Variants in ANAPC10 observed in about 807,000 individuals in gnomAD.
ANAPC10 encodes the protein anaphase promoting complex subunit 10.
A neutral mutation model predicts 22.0 loss-of-function variants in ANAPC10; 12 were observed. The observed-to-expected ratio is 0.55, with a 90% CI of 0.35 to 0.88. The LOEUF (loss-of-function observed/expected upper bound fraction) is 0.88. Ranked by LOEUF, ANAPC10 falls within the 40% of genes least tolerant of loss-of-function variation. The pLI, the probability that ANAPC10 is intolerant of heterozygous loss-of-function variation, is 0.01. For synonymous variants in ANAPC10, 65 were observed against 69.5 expected, an observed-to-expected ratio of 0.94 and a Z score of 0.32; for missense variants, 188 against 220.9, an observed-to-expected ratio of 0.85 and a Z score of 0.94.
intron 4 of ANAPC10, among the ~76,000 whole-genome samples, chr4:145,020,398 A>C (rs1053600810): frequency 8.5e-5 from 13 of 152,268 alleles, no homozygotes; most frequent in Admixed American, 3.9e-4. Context: ...TTATGATTAA[A>C]ACTCAGCAAA....
At chr4:145,020,709 A>G (rs979329417) in intron 4 of ANAPC10, among the ~76,000 whole-genome samples, 4 of 152,140 alleles carry the variant, frequency 2.6e-5, no homozygotes, top group African/African-American at 9.7e-5. Flanking sequence ...AAGCTCCTAG[A>G]ACTGACAAAA....
intron 3 of ANAPC10, among the ~76,000 whole-genome samples, chr4:145,070,637 C>T (rs1306589329): frequency 2.0e-5 from 3 of 152,176 alleles, no homozygotes; most frequent in Non-Finnish European, 4.4e-5. Flanking sequence ...AGCAATTCCA[C>T]CTGTGGATAT....
chr4:144,997,190 C>T (rs1731750770), intron 4 of ANAPC10, among the ~76,000 whole-genome samples: 1 of 152,128 alleles, frequency 6.6e-6, no homozygotes, highest in South Asian at 2.1e-4. Flanking sequence ...AAGAACTTCC[C>T]CAATCTAGCA....
At chr4:145,048,946 C>G (rs867434685) in intron 4 of ANAPC10, among the ~76,000 whole-genome samples, 2 of 152,044 alleles carry the variant, frequency 1.3e-5, no homozygotes, top group African/African-American at 4.8e-5. Flanking sequence ...ACAGGCATAT[C>G]CCAGATACAT....
intron 4 of ANAPC10, among the ~76,000 whole-genome samples, chr4:144,996,790 G>A (rs918300333): frequency 2.6e-5 from 4 of 152,214 alleles, no homozygotes; most frequent in South Asian, 2.1e-4. Flanking sequence ...AAACTTCTCC[G>A]AGCTAAAGGA....
At chr4:145,072,202 G>A (rs867255994) in intron 3 of ANAPC10, among the ~76,000 whole-genome samples, 5 of 152,102 alleles carry the variant, frequency 3.3e-5, no homozygotes, top group African/African-American at 9.7e-5. Context: ...ATAAAACTGG[G>A]TAGGTTACCA....
intron 4 of ANAPC10, among the ~76,000 whole-genome samples, chr4:145,018,401 A>T (rs373284229): frequency 4.3e-4 from 65 of 152,174 alleles, no homozygotes; most frequent in African/African-American, 1.5e-3. Context: ...TGGGAGGCTC[A>T]GGCGGGCAGA....
chr4:145,046,528 G>A (rs1282806917), intron 4 of ANAPC10, among the ~76,000 whole-genome samples: 2 of 151,910 alleles, frequency 1.3e-5, no homozygotes, highest in Admixed American at 1.3e-4. Context: ...TTGACACAAC[G>A]GATAAAGATG....
intron 4 of ANAPC10, among the ~76,000 whole-genome samples, chr4:145,052,874 C>T (rs553084376): frequency 8.4e-4 from 117 of 138,562 alleles, no homozygotes; most frequent in African/African-American, 2.9e-3. Flanking sequence ...GGCAACAGAG[C>T]GAGACTCTGT....
chr4:145,043,601 G>A lies in ANAPC10; in HGVS notation c.327+20971C>T, dbSNP rs558534711. Among the ~76,000 whole-genome samples, 7 of 152,042 alleles carry A rather than the reference G, an allele frequency of 4.6e-5. No individual in the cohort carries two copies. In the East Asian group the frequency reaches 1.3e-3, roughly 29 times the overall value. The stretch of plus-strand genomic sequence containing the variant: ...TTACACATTGTCTTTCTTACTTTAG[G>A]TGAAATATACCATCAATTCTTTCCA... On this transcript the variant is annotated intron_variant, in intron 4 of 4. Transcript: ENST00000507656.
chr4:144,995,628 T>A, intron 4 of ANAPC10, 25 bp from the exon 5 acceptor site: 1 of 1,464,984 alleles, frequency 6.8e-7, no homozygotes, highest in South Asian at 1.2e-5. Context: ...AAAATCAGAT[T>A]ATGCTTTTAT....
chr4:145,032,602 C>T (rs916585414), intron 4 of ANAPC10, among the ~76,000 whole-genome samples: 2 of 152,236 alleles, frequency 1.3e-5, no homozygotes, highest in East Asian at 1.9e-4. Context: ...CCACTGTCAT[C>T]GCCCAATGGG....
chr4:145,047,572 T>C (rs534225940), intron 4 of ANAPC10, among the ~76,000 whole-genome samples: 4 of 152,224 alleles, frequency 2.6e-5, no homozygotes, highest in Non-Finnish European at 5.9e-5. Context: ...AAGGCAAATC[T>C]TCATTCAAAA....
At chr4:145,034,885 G>A (rs1048175995) in intron 4 of ANAPC10, among the ~76,000 whole-genome samples, 11 of 151,998 alleles carry the variant, frequency 7.2e-5, no homozygotes, top group African/African-American at 2.7e-4. Context: ...CCACTGACTG[G>A]GTCAGAATGT....
At chr4:145,036,829 C>G (rs1395408629) in intron 4 of ANAPC10, among the ~76,000 whole-genome samples, 1 of 152,024 alleles carries the variant, frequency 6.6e-6, no homozygotes, top group African/African-American at 2.4e-5. Context: ...CAAAAACAAG[C>G]ACTCAATTAA....
intron 2 of ANAPC10, among the ~76,000 whole-genome samples, chr4:145,088,039 C>A (rs1404155324): frequency 6.6e-6 from 1 of 152,116 alleles, no homozygotes; most frequent in African/African-American, 2.4e-5. Context: ...CAGAGCGAGA[C>A]TCCACCTCAA....
chr4:145,054,177 T>C (rs963861197), intron 4 of ANAPC10, among the ~76,000 whole-genome samples: 5 of 150,204 alleles, frequency 3.3e-5, no homozygotes, highest in Admixed American at 3.3e-4. Flanking sequence ...AAAGTGCTGG[T>C]ATTACAGGCC....
intron 4 of ANAPC10, among the ~76,000 whole-genome samples, chr4:145,011,033 T>C (rs571592676): frequency 2.6e-5 from 4 of 152,136 alleles, no homozygotes; most frequent in Non-Finnish European, 4.4e-5. Flanking sequence ...AATGTCTCTT[T>C]TAAATTCAAG....
At chr4:145,015,358 G>A (rs1734949740) in intron 4 of ANAPC10, among the ~76,000 whole-genome samples, 1 of 151,678 alleles carries the variant, frequency 6.6e-6, no homozygotes, top group Non-Finnish European at 1.5e-5. Context: ...TGAAGACAAG[G>A]TCTTTGAATT....
Sources: allele counts gnomAD v4.1 joint callset (sites outside exome capture counted in the v4.1 genomes callset), GRCh38; gene constraint gnomAD v4.1.1; transcripts MANE v1.5; gene names NCBI Gene and HGNC (gene_info 2026-07-23, HGNC 2026-07-21).